Variants in DAB1 observed in about 807,000 individuals in gnomAD.
The protein encoded by DAB1 is disabled homolog 1.
A neutral mutation model predicts 64.6 loss-of-function variants in DAB1; 15 were observed. The observed-to-expected ratio is 0.23, with a 90% CI of 0.16 to 0.36. The LOEUF (loss-of-function observed/expected upper bound fraction) is 0.36. Ranked by LOEUF, DAB1 falls within the 10% of genes least tolerant of loss-of-function variation. The pLI is 1.00. For synonymous variants in DAB1, 235 were observed against 251.9 expected (o/e 0.93, Z 0.64); for missense variants, 596 against 706.7 (o/e 0.84, Z 1.78).
intron 4 of DAB1, among the ~76,000 whole-genome samples, chr1:57,105,469 G>A (rs943370168): frequency 7.9e-5 from 12 of 152,138 alleles, no homozygotes; most frequent in South Asian, 6.2e-4. Flanking sequence ...AGCCGCAGTC[G>A]CCCTTAGTAG....
chr1:58,036,035 G>C (rs571514644), intron 5 of DAB1, among the ~76,000 whole-genome samples: 1 of 152,254 alleles, frequency 6.6e-6, no homozygotes, highest in East Asian at 1.9e-4. Context: ...GCCTGGGGTG[G>C]GGCTATAGGA....
At chr1:58,237,790 T>C (rs1258581831) in intron 4 of DAB1, among the ~76,000 whole-genome samples, 1 of 152,210 alleles carries the variant, frequency 6.6e-6, no homozygotes, top group Non-Finnish European at 1.5e-5. Context: ...CAAATAGAAA[T>C]GTCATAGATG....
chr1:57,065,739 A>G (rs1347065014), intron 8 of DAB1, among the ~76,000 whole-genome samples: 1 of 152,216 alleles, frequency 6.6e-6, no homozygotes, highest in South Asian at 2.1e-4. Context: ...GAAGACTGGT[A>G]GTTCCAAATC....
intron 3 of DAB1, among the ~76,000 whole-genome samples, chr1:57,139,748 T>C (rs1346403428): frequency 3.9e-5 from 6 of 152,096 alleles, no homozygotes; most frequent in African/African-American, 1.4e-4. Flanking sequence ...GCTGATTAGA[T>C]ACTAAGGCCC....
At chr1:58,540,179 GAA>G (rs1457167738) in intron 1 of DAB1, among the ~76,000 whole-genome samples, 1 of 151,794 alleles carries the variant, frequency 6.6e-6, no homozygotes, top group Non-Finnish European at 1.5e-5. Flanking sequence ...CAACATTAGA[GAA>G]AGATTAGTCT....
chr1:57,130,091 T>A (rs1657519205), intron 4 of DAB1, among the ~76,000 whole-genome samples: 1 of 151,716 alleles, frequency 6.6e-6, no homozygotes, highest in Non-Finnish European at 1.5e-5. Context: ...ATGACACAGA[T>A]GATCATGTGC....
At chr1:57,261,713 A>G (rs940571270) in intron 2 of DAB1, among the ~76,000 whole-genome samples, 1 of 152,224 alleles carries the variant, frequency 6.6e-6, no homozygotes, top group Non-Finnish European at 1.5e-5. Context: ...GACAGACCAC[A>G]TGCTAGCAGA....
At chr1:57,278,769 A>G (rs905091419) in intron 2 of DAB1, among the ~76,000 whole-genome samples, 6 of 152,186 alleles carry the variant, frequency 3.9e-5, no homozygotes, top group Non-Finnish European at 8.8e-5. Flanking sequence ...GGTGTTTAGA[A>G]GGGACACACA....
At chr1:58,474,104 G>A in intron 3 of DAB1, 1 of 415,270 alleles carries the variant, frequency 2.4e-6, no homozygotes. Flanking sequence ...CATTCCTGTG[G>A]AGTGTGGATG....
chr1:58,274,860 C>T lies in DAB1; in HGVS notation n.309+68492G>A, dbSNP rs909978228. 9.2e-5 allele frequency among the ~76,000 whole-genome samples: 14 copies of T among 152,194 alleles called. No individual in the cohort carries two copies. The South Asian group carries it at 1.2e-3, about 14-fold the overall frequency. ...GGTGAGGCAATGCCTCGCCCTGCTT[C>T]GGCTCGCGCACGGTGCGCGCACCCA... On this transcript the variant is annotated intron_variant and non_coding_transcript_variant, in intron 4 of 20. Transcript: ENST00000485760.
chr1:57,990,505 C>G (rs1646316911), intron 5 of DAB1, among the ~76,000 whole-genome samples: 1 of 152,224 alleles, frequency 6.6e-6, no homozygotes, highest in African/African-American at 2.4e-5. Flanking sequence ...TGGTGAGGAA[C>G]TGAGCTCAGA....
chr1:57,917,340 T>A (rs1644741697), intron 5 of DAB1, among the ~76,000 whole-genome samples: 1 of 152,230 alleles, frequency 6.6e-6, no homozygotes, highest in East Asian at 1.9e-4. Context: ...CCGACTGTAC[T>A]TTAAGGATGT....
At chr1:57,441,298 CTTTCTTTCTTTCTT>C (rs1558383873) in intron 7 of DAB1, among the ~76,000 whole-genome samples, 4 of 61,784 alleles carry the variant, frequency 6.5e-5, no homozygotes, top group South Asian at 1.5e-3. Context: ...TTCTTTCTTT[CTTTCTTTCTTTCTT>C]TCTTTCTTCT....
chr1:58,306,280 G>A (rs1394005611), intron 4 of DAB1, among the ~76,000 whole-genome samples: 1 of 152,180 alleles, frequency 6.6e-6, no homozygotes, highest in Non-Finnish European at 1.5e-5. Context: ...AAGGAGGAAG[G>A]AGGAAAAGGA....
intron 4 of DAB1, among the ~76,000 whole-genome samples, chr1:58,210,716 T>C (rs933384981): frequency 6.6e-6 from 1 of 152,196 alleles, no homozygotes; most frequent in African/African-American, 2.4e-5. Context: ...GCACCTATCA[T>C]GTGCCAGTAC....
chr1:58,453,288 T>C (rs1367865906), intron 3 of DAB1, among the ~76,000 whole-genome samples: 1 of 152,166 alleles, frequency 6.6e-6, no homozygotes, highest in Non-Finnish European at 1.5e-5. Context: ...GGCTCCTCTG[T>C]GTCCTGAAGG....
At chr1:58,222,425 G>A (rs1044622203) in intron 4 of DAB1, among the ~76,000 whole-genome samples, 1 of 152,068 alleles carries the variant, frequency 6.6e-6, no homozygotes, top group Non-Finnish European at 1.5e-5. Flanking sequence ...TCACTTCCTG[G>A]GCACTAACAA....
At position 57,071,551 on chromosome 1, in the gene DAB1, C is replaced by A. The variant is rs752641705; in HGVS notation, c.529G>T (p.Asp177Tyr). ...REELEKKAQK[D>Y]KQCEQAVYQT... ...TACACAGCTTGTTCACACTGCTTAT[C>A]CTTTTGTGCCTTTTTTTCTAATTCT... is the stretch of plus-strand genomic sequence containing the variant. Residue 177 changes from aspartate (D) to tyrosine (Y), a missense_variant, in exon 6 of 15, where the codon GAT becomes TAT. Asp to Tyr is a radical substitution (Grantham distance 160, BLOSUM62 -3). Transcript: ENST00000371236. The A allele has an allele frequency of 3.1e-6, 5 of 1,613,902 alleles. No individual in the cohort carries two copies. Among genetic ancestry groups the A allele is most frequent in the Non-Finnish European group, 4.2e-6 (5 of 1,179,886 alleles).
At chr1:57,590,625 C>G (rs946138839) in intron 7 of DAB1, among the ~76,000 whole-genome samples, 1 of 151,938 alleles carries the variant, frequency 6.6e-6, no homozygotes, top group Non-Finnish European at 1.5e-5. Flanking sequence ...GCCACCGTGC[C>G]TAGCCCCTTA....
Sources: gnomAD v4.1 joint callset for allele counts (sites outside exome capture counted in the v4.1 genomes callset) on GRCh38, gnomAD v4.1.1 for gene constraint, MANE v1.5 for transcripts, NCBI Gene and HGNC (gene_info 2026-07-23, HGNC 2026-07-21) for gene names.